ANTXR2: variants seen among roughly 807,000 people sequenced by gnomAD.
ANTXR2 encodes anthrax toxin receptor 2.
A neutral mutation model predicts 73.7 loss-of-function variants in ANTXR2; 44 were observed. The observed-to-expected ratio is 0.60, with a 90% CI of 0.47 to 0.77. The LOEUF (loss-of-function observed/expected upper bound fraction) is 0.77. ANTXR2 is among the 30% of genes least tolerant of loss of function. The pLI, the probability that ANTXR2 is intolerant of heterozygous loss-of-function variation, is 0.00. For synonymous variants in ANTXR2, 217 were observed against 205.9 expected (o/e 1.05, Z -0.46); for missense variants, 604 against 592.5 (o/e 1.02, Z -0.20).
At chr4:80,064,283 CTGAT>C (rs1460119613) in intron 3 of ANTXR2, among the ~76,000 whole-genome samples, 3 of 151,990 alleles carry the variant, frequency 2.0e-5, no homozygotes, top group Non-Finnish European at 4.4e-5. Context: ...ATATTTATAA[CTGAT>C]TTGTAAGAGT....
intron 10 of ANTXR2, among the ~76,000 whole-genome samples, chr4:80,028,569 A>G (rs1732544991): frequency 6.6e-6 from 1 of 152,140 alleles, no homozygotes; most frequent in Non-Finnish European, 1.5e-5. Context: ...TTACTTCACC[A>G]GCATGTTGTT....
intron 12 of ANTXR2, among the ~76,000 whole-genome samples, chr4:79,991,342 TAA>T (rs530280030): frequency 4.0e-5 from 6 of 151,876 alleles, no homozygotes; most frequent in African/African-American, 1.5e-4. Flanking sequence ...AACAAGCTTA[TAA>T]AAAAATGCTC....
chr4:80,012,788 C>G (rs1731654811), intron 11 of ANTXR2, among the ~76,000 whole-genome samples: 1 of 152,190 alleles, frequency 6.6e-6, no homozygotes, highest in Non-Finnish European at 1.5e-5. Flanking sequence ...CCTGCTGTTA[C>G]ACTCATCAAA....
chr4:79,912,339 G>C (rs1173669690), intron 16 of ANTXR2, among the ~76,000 whole-genome samples: 1 of 151,868 alleles, frequency 6.6e-6, no homozygotes, highest in South Asian at 2.1e-4. Context: ...ATTACTCTGA[G>C]TATGTTTACC....
At chr4:80,056,867 A>C (rs1442323048) in intron 3 of ANTXR2, among the ~76,000 whole-genome samples, 4 of 151,926 alleles carry the variant, frequency 2.6e-5, no homozygotes, top group Middle Eastern at 3.2e-3. Context: ...GAGTTTTTAA[A>C]ATATAGATTT....
At chr4:79,910,295 G>A (rs936713514) in intron 16 of ANTXR2, among the ~76,000 whole-genome samples, 1 of 152,052 alleles carries the variant, frequency 6.6e-6, no homozygotes, top group Non-Finnish European at 1.5e-5. Context: ...CAGATCATGA[G>A]GTCAAGAGAT....
At chr4:80,045,577 A>C (rs1468725984) in intron 7 of ANTXR2, among the ~76,000 whole-genome samples, 6 of 142,938 alleles carry the variant, frequency 4.2e-5, no homozygotes, top group Non-Finnish European at 9.1e-5. Context: ...TAAAAAAGCA[A>C]GGTTTTTTTT....
chr4:79,991,251 G>T (rs1730452616), intron 12 of ANTXR2, among the ~76,000 whole-genome samples: 1 of 151,216 alleles, frequency 6.6e-6, no homozygotes, highest in African/African-American at 2.4e-5. Context: ...AAATCAAAAG[G>T]CAAAAAACAA....
chr4:80,054,662 AAATTTAAACGTAAAATAACTTCATGAGTG>A (rs1733913045), intron 6 of ANTXR2, among the ~76,000 whole-genome samples: 1 of 151,736 alleles, frequency 6.6e-6, no homozygotes, highest in African/African-American at 2.4e-5. Context: ...GCTCAAGCAA[AAATTTAAACGTAAAATAACTTCATGAGTG>A]AAACATTTTC....
chr4:79,953,778 C>T (rs1473039839), intron 16 of ANTXR2, among the ~76,000 whole-genome samples: 1 of 151,836 alleles, frequency 6.6e-6, no homozygotes. Flanking sequence ...GCTTAAAAAT[C>T]AATCCACAAA....
chr4:79,929,370 G>A (rs904531308), intron 16 of ANTXR2, among the ~76,000 whole-genome samples: 6 of 152,054 alleles, frequency 3.9e-5, no homozygotes, highest in South Asian at 2.1e-4. Context: ...AAAATTAGCC[G>A]GGCGTGGTGG....
intron 16 of ANTXR2, among the ~76,000 whole-genome samples, chr4:79,960,050 T>G (rs1177770001): frequency 6.6e-6 from 1 of 152,216 alleles, no homozygotes; most frequent in Admixed American, 6.5e-5. Context: ...TGAAATGTTT[T>G]ACAGACTTAC....
At chr4:79,960,118 T>A (rs899155866) in intron 16 of ANTXR2, among the ~76,000 whole-genome samples, 1 of 152,194 alleles carries the variant, frequency 6.6e-6, no homozygotes, top group Non-Finnish European at 1.5e-5. Flanking sequence ...TCTGTGTGTA[T>A]GTCTCACCAA....
intron 7 of ANTXR2, among the ~76,000 whole-genome samples, chr4:80,048,359 T>C (rs992630505): frequency 1.3e-5 from 2 of 151,422 alleles, no homozygotes; most frequent in South Asian, 4.2e-4. Flanking sequence ...AAATACCTCA[T>C]CTACATTCAG....
chr4:80,069,348 G>A (rs1489062368), intron 3 of ANTXR2, 88 bp downstream of exon 3: 2 of 1,040,978 alleles, frequency 1.9e-6, no homozygotes, highest in African/African-American at 1.6e-5. Flanking sequence ...ATTCCACTGA[G>A]AGGCCTGAAT....
chr4:80,009,018 A>C (rs546106755), intron 11 of ANTXR2, among the ~76,000 whole-genome samples: 42 of 152,334 alleles, frequency 2.8e-4, no homozygotes, highest in African/African-American at 1.0e-3. Context: ...GGTGAAACAC[A>C]ATTTATTGCA....
At chr4:79,995,574 A>G (rs982088369) in intron 12 of ANTXR2, among the ~76,000 whole-genome samples, 3 of 151,990 alleles carry the variant, frequency 2.0e-5, no homozygotes, top group African/African-American at 7.2e-5. Flanking sequence ...TCAAAATGTC[A>G]ATTCTTATAA....
intron 12 of ANTXR2, among the ~76,000 whole-genome samples, chr4:80,005,885 G>C (rs551268088): frequency 6.6e-6 from 1 of 152,258 alleles, no homozygotes; most frequent in South Asian, 2.1e-4. Flanking sequence ...CCTGGGAAGA[G>C]ATCAGACTTT....
chr4:80,024,556 T>A, intron 10 of ANTXR2: 1 of 294,668 alleles, frequency 3.4e-6, no homozygotes, highest in Non-Finnish European at 6.8e-6. Context: ...AGCCCAGGAG[T>A]TTGAGACCAG....
Sources: allele counts gnomAD v4.1 joint callset (sites outside exome capture counted in the v4.1 genomes callset), GRCh38; gene constraint gnomAD v4.1.1; transcripts MANE v1.5; gene names NCBI Gene and HGNC (gene_info 2026-07-23, HGNC 2026-07-21).